TRIM71: variants seen among roughly 807,000 people sequenced by gnomAD.
TRIM71 encodes the protein E3 ubiquitin-protein ligase TRIM71.
TRIM71 carries 9 observed loss-of-function variants against 61.2 expected under a neutral mutation model. The ratio of observed to expected loss-of-function variants is 0.15; its 90% CI spans 0.09 to 0.26. The LOEUF is 0.26. Ranked by LOEUF, TRIM71 falls within the 10% of genes least tolerant of loss-of-function variation. The pLI, the probability that TRIM71 is intolerant of heterozygous loss-of-function variation, is 1.00. For missense variants in TRIM71, 998 were observed against 1,238.7 expected (o/e 0.81, Z 2.92); for synonymous variants, 645 against 553.2 (o/e 1.17, Z -2.33).
At position 32,894,797 on chromosome 3, in the gene TRIM71, T is replaced by TG. The variant is rs1697062194; in HGVS notation, c.*2986_*2987insG. 1.3e-5 allele frequency: 2 copies of TG among 152,204 alleles called. No homozygotes were observed. The highest frequency in any genetic ancestry group is 2.1e-4 in the South Asian group (1 of 4,824). The allele number at this position is 152,204 out of a possible 1,614,324, so 9.4% of individuals were successfully genotyped here. A position where few individuals can be genotyped will look rare whatever the true frequency, so the allele number is the denominator to read the frequency against. Reference sequence around the variant, plus strand: ...TGTGAAACTGTGAAAAGTACCTGTGTTTAAATGCATAATCTCCTGCCCGGG... The same window carrying TG: ...TGTGAAACTGTGAAAAGTACCTGTGTGTTAAATGCATAATCTCCTGCCCGGG... On this transcript the variant is annotated 3_prime_UTR_variant, in exon 4 of 4. Transcript: ENST00000383763.
chr3:32,885,517 T>G (rs1438213990), intron 2 of TRIM71, among the ~76,000 whole-genome samples: 1 of 152,174 alleles, frequency 6.6e-6, no homozygotes, highest in Non-Finnish European at 1.5e-5. Flanking sequence ...ACGTAAGGGA[T>G]GTTCCTGGCC....
intron 1 of TRIM71, among the ~76,000 whole-genome samples, chr3:32,865,819 T>TCCCCCCCCC: frequency 2.1e-4 from 1 of 4,770 alleles, no homozygotes; most frequent in Non-Finnish European, 6.6e-4. Context: ...CCCCACCTTT[T>TCCCCCCCCC]TTTTTTTTTT....
At chr3:32,852,770 A>AC (rs869238211) in intron 1 of TRIM71, among the ~76,000 whole-genome samples, 2 of 88,654 alleles carry the variant, frequency 2.3e-5, no homozygotes, top group South Asian at 7.0e-4. Context: ...AAAAAAAAAA[A>AC]AAAACAAAAA....
intron 1 of TRIM71, among the ~76,000 whole-genome samples, chr3:32,865,789 C>A (rs1411216002): frequency 3.1e-4 from 1 of 3,238 alleles, no homozygotes; most frequent in Non-Finnish European, 1.3e-3. Context: ...TTGCCGCCCG[C>A]CGGCCCCCCC....
At chr3:32,840,019 C>G (rs1696386152) in intron 1 of TRIM71, among the ~76,000 whole-genome samples, 2 of 152,182 alleles carry the variant, frequency 1.3e-5, no homozygotes, top group African/African-American at 4.8e-5. Context: ...TAAAAACTTG[C>G]CACCTCTGCC....
At position 32,894,710 on chromosome 3, in the gene TRIM71, TATG is replaced by T. The variant is rs1254994378; in HGVS notation, c.*2903_*2905del. 4 of 152,246 alleles carry T rather than the reference TATG, an allele frequency of 2.6e-5. No individual in the cohort carries two copies. The highest frequency in any genetic ancestry group is 2.9e-5 in the Non-Finnish European group (2 of 68,046). 9.4% of individuals were successfully genotyped at this position (152,246 alleles called of 1,614,324 possible). The stretch of plus-strand genomic sequence containing the variant: ...GAAGCACTTTGGAGAGTGTTTATTG[TATG>T]ATGTGAAATGTTCTAAATCAAAGAA... On this transcript the variant is annotated 3_prime_UTR_variant, in exon 4 of 4. Transcript: ENST00000383763.
chr3:32,868,506 G>T (rs1274005898), intron 1 of TRIM71, among the ~76,000 whole-genome samples: 1 of 152,082 alleles, frequency 6.6e-6, no homozygotes, highest in Non-Finnish European at 1.5e-5. Flanking sequence ...CATTCATATA[G>T]CAACATACCA....
intron 1 of TRIM71, among the ~76,000 whole-genome samples, chr3:32,864,547 C>T (rs1005080768): frequency 6.6e-5 from 10 of 152,196 alleles, no homozygotes; most frequent in Admixed American, 1.3e-4. Context: ...CCGCTGGGTT[C>T]GCCAGAGGCA....
At chr3:32,822,639 T>C (rs1696154448) in intron 1 of TRIM71, among the ~76,000 whole-genome samples, 1 of 148,472 alleles carries the variant, frequency 6.7e-6, no homozygotes, top group Non-Finnish European at 1.5e-5. Context: ...ATATACTCAG[T>C]GTATGCATGC....
intron 1 of TRIM71, among the ~76,000 whole-genome samples, chr3:32,830,818 T>G (rs1482939471): frequency 6.6e-6 from 1 of 152,118 alleles, no homozygotes; most frequent in Non-Finnish European, 1.5e-5. Flanking sequence ...TGAGGGTTTT[T>G]TTTATTTGTT....
At chr3:32,874,018 G>A (rs571241667) in intron 2 of TRIM71, 33 bp downstream of exon 2, 14 of 1,560,572 alleles carry the variant, frequency 9.0e-6, no homozygotes, top group African/African-American at 8.1e-5. Context: ...CAGTTCCCAC[G>A]TGAATCGAGC....
chr3:32,866,639 G>A (rs547019644), intron 1 of TRIM71, among the ~76,000 whole-genome samples: 1 of 152,292 alleles, frequency 6.6e-6, no homozygotes, highest in South Asian at 2.1e-4. Context: ...GGACAGGGCC[G>A]TGTCGATGGA....
At chr3:32,881,658 TG>T (rs377605024) in intron 2 of TRIM71, among the ~76,000 whole-genome samples, 13 of 152,350 alleles carry the variant, frequency 8.5e-5, no homozygotes, top group Admixed American at 1.3e-4. Flanking sequence ...CCATGCTTGT[TG>T]GGTGATTTCT....
chr3:32,892,315 A>G lies in TRIM71; in HGVS notation c.*504A>G, dbSNP rs1697035689. 6.5e-6 allele frequency: 1 copy of G among 154,632 alleles called. No individual in the cohort carries two copies. Among genetic ancestry groups the G allele is most frequent in the Non-Finnish European group, 1.4e-5 (1 of 69,504 alleles). The allele number at this position is 154,632 out of a possible 1,614,324, so 9.6% of individuals were successfully genotyped here. A position where few individuals can be genotyped will look rare whatever the true frequency, so the allele number is the denominator to read the frequency against. The stretch of plus-strand genomic sequence containing the variant: ...AAAATAGGATTTGAAATGCATAATT[A>G]TAGAATACCTGTGTTCTTGAGAATA... On this transcript the variant is annotated 3_prime_UTR_variant, in exon 4 of 4. Transcript: ENST00000383763.
chr3:32,888,434 CAAAAAAAAAAAAAAAAAAAAA>C lies in TRIM71; in HGVS notation c.1156-1907_1156-1887del, dbSNP rs56834147. 2.0e-3 allele frequency among the ~76,000 whole-genome samples: 191 copies of C among 95,856 alleles called. 1 individual carries two copies. Among genetic ancestry groups the C allele is most frequent in the Non-Finnish European group, 2.5e-3 (131 of 51,744 alleles). 62.9% of individuals were successfully genotyped at this position (95,856 alleles called of 152,430 possible). A position where few individuals can be genotyped will look rare whatever the true frequency, so the allele number is the denominator to read the frequency against. ...GGCAACATTAAGACCCCATCTCTAC[CAAAAAAAAAAAAAAAAAAAAA>C]AAAAAAAAAAAAAAAAAAGGTGCCC... On this transcript the variant is annotated intron_variant, in intron 3 of 3. Coordinates refer to ENST00000383763, the MANE Select transcript of TRIM71 (RefSeq NM_001039111.3).
At chr3:32,836,150 GGA>G (rs2125677554) in intron 1 of TRIM71, among the ~76,000 whole-genome samples, 1 of 152,196 alleles carries the variant, frequency 6.6e-6, no homozygotes, top group East Asian at 1.9e-4. Flanking sequence ...CTAGAACCCT[GGA>G]GAGGCACGTT....
chr3:32,826,797 C>T (rs1156886716), intron 1 of TRIM71, among the ~76,000 whole-genome samples: 1 of 151,506 alleles, frequency 6.6e-6, no homozygotes, highest in Non-Finnish European at 1.5e-5. Context: ...TTGCTCTGTC[C>T]TGTCCCTGAG....
intron 1 of TRIM71, among the ~76,000 whole-genome samples, chr3:32,863,948 G>A (rs753706235): frequency 7.9e-5 from 12 of 152,294 alleles, no homozygotes; most frequent in African/African-American, 2.9e-4. Flanking sequence ...TCTCAAAAGT[G>A]CTGGGATTAC....
chr3:32,871,995 T>C (rs1298446216), intron 1 of TRIM71, among the ~76,000 whole-genome samples: 1 of 152,056 alleles, frequency 6.6e-6, no homozygotes, highest in Non-Finnish European at 1.5e-5. Context: ...TATAAAAAAA[T>C]TAGTTGGGCG....
Sources: gnomAD v4.1 joint callset for allele counts (sites outside exome capture counted in the v4.1 genomes callset) on GRCh38, gnomAD v4.1.1 for gene constraint, MANE v1.5 for transcripts, NCBI Gene and HGNC (gene_info 2026-07-23, HGNC 2026-07-21) for gene names.